Variants in DKK3 observed in about 807,000 individuals in gnomAD.
DKK3 encodes the protein dickkopf-related protein 3.
Under a neutral mutation model 33.2 loss-of-function variants are expected in DKK3, and 22 were observed. The observed-to-expected ratio is 0.66, with a 90% CI of 0.47 to 0.95. DKK3 has a LOEUF of 0.95. Among genes scored for constraint, DKK3 ranks in the 40% least tolerant of loss-of-function variants. The pLI is 0.00. For missense variants in DKK3, 398 were observed against 458.4 expected, an observed-to-expected ratio of 0.87 and a Z score of 1.20; for synonymous variants, 194 against 188.8, an observed-to-expected ratio of 1.03 and a Z score of -0.23.
chr11:11,981,080 C>T (rs1014662105), intron 3 of DKK3, among the ~76,000 whole-genome samples: 2 of 152,212 alleles, frequency 1.3e-5, no homozygotes, highest in African/African-American at 4.8e-5. Context: ...TCAATCATAC[C>T]GTCCTCATCC....
At position 12,002,116 on chromosome 11, in the gene DKK3, C is replaced by A. The variant is rs150911432; in HGVS notation, c.351+184G>T. The A allele has an allele frequency of 2.5e-4, 159 of 636,282 alleles. 1 individual carries two copies. In the African/African-American group the frequency reaches 2.6e-3, roughly 10 times the overall value. 39.4% of individuals were successfully genotyped at this position (636,282 alleles called of 1,614,324 possible). The stretch of plus-strand genomic sequence containing the variant: ...TTAAATGCAAAAGCAGTTTAGGATC[C>A]TGATACATTGTCTCTCCACTTTCAA... On this transcript the variant is annotated intron_variant, in intron 2 of 6. Coordinates refer to ENST00000683431, the MANE Select transcript of DKK3 (RefSeq NM_001018057.2).
chr11:11,967,947 G>A (rs1020597131), intron 4 of DKK3, among the ~76,000 whole-genome samples: 6 of 152,124 alleles, frequency 3.9e-5, no homozygotes, highest in South Asian at 2.1e-4. Context: ...GGGGGCTGCC[G>A]GAATGTCTCT....
chr11:11,977,977 G>T (rs1419811913), intron 3 of DKK3, among the ~76,000 whole-genome samples: 3 of 152,178 alleles, frequency 2.0e-5, no homozygotes, highest in Admixed American at 1.3e-4. Flanking sequence ...ATTATAGGAT[G>T]CCCAGCCATA....
At chr11:11,979,380 G>A (rs192123403) in intron 3 of DKK3, among the ~76,000 whole-genome samples, 2 of 152,368 alleles carry the variant, frequency 1.3e-5, no homozygotes, top group Admixed American at 6.5e-5. Context: ...GCCCAGGTCA[G>A]TGTGAAGTCC....
Position 11,968,446 on chromosome 11 carries a change from G to A in DKK3, c.477C>T (p.Cys159=), listed in dbSNP as rs1469746910. 6.2e-7 allele frequency: 1 copy of A among 1,613,394 alleles called. No individual in the cohort carries two copies. Among genetic ancestry groups the A allele is most frequent in the African/African-American group, 1.3e-5 (1 of 75,012 alleles). Residue 159 remains cysteine, a synonymous_variant, in exon 4 of 7, where the codon TGC becomes TGT. Transcript: ENST00000683431. ...AGGTGTACTGGAAGCTGGCAAACTG[G>A]CAGTACATGCTGGGCCCACAGTCCT... The part of the protein sequence containing the change: ...IDEDCGPSMY[C]QFASFQYTCQ...
intron 5 of DKK3, among the ~76,000 whole-genome samples, 162 bp from the exon 6 acceptor site, chr11:11,966,127 C>T (rs963660788): frequency 1.3e-5 from 2 of 152,224 alleles, no homozygotes; most frequent in Non-Finnish European, 2.9e-5. Context: ...GAATAGCAGC[C>T]TGGGCTCAGG....
chr11:11,982,610 T>C (rs916318649), intron 3 of DKK3, among the ~76,000 whole-genome samples: 1 of 152,128 alleles, frequency 6.6e-6, no homozygotes, highest in Non-Finnish European at 1.5e-5. Flanking sequence ...AGGCTAATAG[T>C]GTTCAGCCGT....
intron 1 of DKK3, among the ~76,000 whole-genome samples, chr11:12,003,646 T>C (rs1848476711): frequency 6.6e-6 from 1 of 152,136 alleles, no homozygotes; most frequent in African/African-American, 2.4e-5. Flanking sequence ...ATACTCTCTC[T>C]AGGAATTTCA....
chr11:12,000,780 A>T (rs1848410084), intron 2 of DKK3, among the ~76,000 whole-genome samples: 1 of 152,040 alleles, frequency 6.6e-6, no homozygotes, highest in Non-Finnish European at 1.5e-5. Context: ...TAGCCTCCCA[A>T]AGTGCTGGGA....
chr11:11,968,423 G>A lies in DKK3; in HGVS notation c.500C>T (p.Thr167Ile). ...CCTCTGGCCCCGGCATGGCTGGCAG[G>A]TGTACTGGAAGCTGGCAAACTGGCA... ...MYCQFASFQYTCQPCRGQRML... is the reference protein window; with the variant it reads ...MYCQFASFQYICQPCRGQRML... Residue 167 changes from threonine (T) to isoleucine (I), a missense_variant, in exon 4 of 7, where the codon ACC becomes ATC. Physicochemically the swap from Thr to Ile is moderately conservative, Grantham distance 89 (BLOSUM62 -1). Coordinates refer to ENST00000683431, the MANE Select transcript of DKK3 (RefSeq NM_001018057.2). 1 of 1,613,380 alleles carries A rather than the reference G, an allele frequency of 6.2e-7. No homozygotes were observed. Among genetic ancestry groups the A allele is most frequent in the Non-Finnish European group, 8.5e-7 (1 of 1,179,630 alleles).
intron 1 of DKK3, among the ~76,000 whole-genome samples, chr11:12,005,160 T>A (rs1377616559): frequency 6.6e-6 from 1 of 152,192 alleles, no homozygotes; most frequent in Non-Finnish European, 1.5e-5. Context: ...TTGCCAAACC[T>A]AGAATTTGCT....
chr11:11,973,213 T>C (rs1590507747), intron 3 of DKK3, among the ~76,000 whole-genome samples: 1 of 152,216 alleles, frequency 6.6e-6, no homozygotes, highest in Non-Finnish European at 1.5e-5. Context: ...TTATCCCTAC[T>C]TCACAGATGT....
At position 12,002,338 on chromosome 11, in the gene DKK3, C is replaced by T; in HGVS notation, c.313G>A (p.Gly105Arg). Reference protein sequence around the residue: ...HNETNTDTKVGNNTIHVHREI... With the variant: ...HNETNTDTKVRNNTIHVHREI... Reference sequence around the variant, plus strand: ...CGGTGCACATGGATGGTATTATTTCCAACCTTCGTGTCTGTGTTGGTCTCA... The same window carrying T: ...CGGTGCACATGGATGGTATTATTTCTAACCTTCGTGTCTGTGTTGGTCTCA... Residue 105 changes from glycine (G) to arginine (R), a missense_variant, in exon 2 of 7, where the codon GGA (glycine) becomes AGA (arginine). By Grantham distance (125) the Gly-to-Arg change is moderately radical. Coordinates refer to ENST00000683431, the MANE Select transcript of DKK3 (RefSeq NM_001018057.2). 1 of 1,614,010 alleles carries T rather than the reference C, an allele frequency of 6.2e-7. No homozygotes were observed. Among genetic ancestry groups the T allele is most frequent in the Non-Finnish European group, 8.5e-7 (1 of 1,179,980 alleles).
chr11:11,983,463 CAAG>C (rs763294608), intron 3 of DKK3, among the ~76,000 whole-genome samples: 8 of 152,218 alleles, frequency 5.3e-5, no homozygotes, highest in African/African-American at 1.4e-4. Flanking sequence ...TGAAATCTCT[CAAG>C]AAGAACAAGG....
At chr11:11,993,904 C>T (rs543463792) in intron 3 of DKK3, among the ~76,000 whole-genome samples, 1 of 152,250 alleles carries the variant, frequency 6.6e-6, no homozygotes, top group East Asian at 1.9e-4. Flanking sequence ...ACCCAACCAT[C>T]GCCTAGTCCC....
chr11:11,998,837 A>T (rs1182599469), intron 2 of DKK3, 58 bp from the exon 3 acceptor site: 2 of 1,506,894 alleles, frequency 1.3e-6, no homozygotes, highest in Admixed American at 1.7e-5. Context: ...CAAATTCCAC[A>T]AGTTGTTTTT....
intron 3 of DKK3, among the ~76,000 whole-genome samples, chr11:11,981,815 G>A (rs1196134412): frequency 6.6e-6 from 1 of 152,150 alleles, no homozygotes; most frequent in African/African-American, 2.4e-5. Flanking sequence ...GACCCTGCCT[G>A]GCCTTGGCTA....
At chr11:11,998,325 G>A in intron 3 of DKK3, 1 of 337,368 alleles carries the variant, frequency 3.0e-6, no homozygotes, top group South Asian at 3.3e-5. Flanking sequence ...CCAGAGGTGG[G>A]ATTACAAAAG....
At position 11,964,372 on chromosome 11, in the gene DKK3, G is replaced by A. The variant is rs997860342; in HGVS notation, c.*92C>T. 2 of 1,479,768 alleles carry A rather than the reference G, an allele frequency of 1.4e-6. No individual in the cohort carries two copies. The highest frequency in any genetic ancestry group is 1.4e-5 in the African/African-American group (1 of 71,444). 91.7% of individuals were successfully genotyped at this position (1,479,768 alleles called of 1,614,324 possible). Reference sequence around the variant, plus strand: ...GAAACTTACTGGGAAGAAGATGTAGGAAGAAGCCTGGTCAGCCCACGCCTA... The same window carrying A: ...GAAACTTACTGGGAAGAAGATGTAGAAAGAAGCCTGGTCAGCCCACGCCTA... On this transcript the variant is annotated 3_prime_UTR_variant, in exon 7 of 7. Transcript: ENST00000683431.
Sources: gnomAD v4.1 joint callset for allele counts (sites outside exome capture counted in the v4.1 genomes callset) on GRCh38, gnomAD v4.1.1 for gene constraint, MANE v1.5 for transcripts, NCBI Gene and HGNC (gene_info 2026-07-23, HGNC 2026-07-21) for gene names.